SPARCL1: variants seen among roughly 807,000 people sequenced by gnomAD.
The protein encoded by SPARCL1 is SPARC like 1.
SPARCL1 carries 52 observed loss-of-function variants against 67.1 expected under a neutral mutation model. The ratio of observed to expected loss-of-function variants is 0.78; its 90% CI spans 0.62 to 0.98. The LOEUF (loss-of-function observed/expected upper bound fraction) is 0.98. Among genes scored for constraint, SPARCL1 ranks in the 50% least tolerant of loss-of-function variants. The pLI is 0.00. For synonymous variants in SPARCL1, 226 were observed against 267.8 expected (o/e 0.84, Z 1.52); for missense variants, 717 against 782.4 (o/e 0.92, Z 1.00).
rs760872428 is a variant in SPARCL1, at chr4:87,482,563, G to C, written c.1532-3C>G. On this transcript the variant is annotated splice_region_variant and splice_polypyrimidine_tract_variant and intron_variant, in intron 7 of 10. Coordinates refer to ENST00000282470, the MANE Select transcript of SPARCL1 (RefSeq NM_004684.6). ...AAAGTCCGTACAAGTAGGAATAGCTGTTACAAGCAGAAAATGTACTGTAAT... is the reference window on the plus strand; with the variant it reads ...AAAGTCCGTACAAGTAGGAATAGCTCTTACAAGCAGAAAATGTACTGTAAT... 2 of 1,613,808 alleles carry C rather than the reference G, an allele frequency of 1.2e-6. No individual in the cohort carries two copies. The highest frequency in any genetic ancestry group is 2.2e-5 in the South Asian group (2 of 91,076).
chr4:87,493,336 C>T (rs984701563), intron 4 of SPARCL1, among the ~76,000 whole-genome samples: 1 of 152,210 alleles, frequency 6.6e-6, no homozygotes, highest in African/African-American at 2.4e-5. Flanking sequence ...CTGCACTCCT[C>T]TTTGTTCCCT....
intron 2 of SPARCL1, among the ~76,000 whole-genome samples, chr4:87,495,938 A>C (rs1305493465): frequency 6.6e-6 from 1 of 152,016 alleles, no homozygotes; most frequent in African/African-American, 2.4e-5. Context: ...TCTCAAAAAC[A>C]AAAAAAATTA....
intron 1 of SPARCL1, among the ~76,000 whole-genome samples, chr4:87,508,782 A>ATGTGTGTGTGTGTGTGTGTG (rs71667857): frequency 1.4e-5 from 2 of 140,116 alleles, no homozygotes; most frequent in African/African-American, 5.3e-5. Flanking sequence ...GATGAAACAT[A>ATGTGTGTGTGTGTGTGTGTG]TGTGTGTGTG....
At chr4:87,511,008 C>G (rs971838554) in intron 1 of SPARCL1, among the ~76,000 whole-genome samples, 1 of 152,216 alleles carries the variant, frequency 6.6e-6, no homozygotes, top group Non-Finnish European at 1.5e-5. Flanking sequence ...CATTCGCTTG[C>G]GCACTCCCTC....
chr4:87,497,048 T>C (rs150194972), intron 2 of SPARCL1: 207 of 173,324 alleles, frequency 1.2e-3, no homozygotes, highest in African/African-American at 4.1e-3. Flanking sequence ...ATTTTTGTAT[T>C]TATTTATTTT....
At chr4:87,495,199 G>C in intron 2 of SPARCL1, 72 bp from the exon 3 acceptor site, 1 of 1,283,894 alleles carries the variant, frequency 7.8e-7, no homozygotes, top group Non-Finnish European at 1.1e-6. Context: ...AGTTACTCTT[G>C]TTGTCATCAT....
chr4:87,517,824 G>C (rs1405617455), intron 1 of SPARCL1, among the ~76,000 whole-genome samples: 1 of 152,170 alleles, frequency 6.6e-6, no homozygotes, highest in African/African-American at 2.4e-5. Context: ...TCTCTTCTAG[G>C]ATTAAGAAAA....
At position 87,494,294 on chromosome 4, in the gene SPARCL1, T is replaced by C; in HGVS notation, c.506A>G (p.Asn169Ser). 1 of 1,614,140 alleles carries C rather than the reference T, an allele frequency of 6.2e-7. No individual in the cohort carries two copies. Among genetic ancestry groups the C allele is most frequent in the Non-Finnish European group, 8.5e-7 (1 of 1,180,012 alleles). ...CCTGTTCAACTGATGATGTGAATAA[T>C]TTCTAGGTTGTTCTTGGTTTTCCTC... is the stretch of plus-strand genomic sequence containing the variant. ...KREENQEQPRNYSHHQLNRSS... is the reference protein window; with the variant it reads ...KREENQEQPRSYSHHQLNRSS... Residue 169 changes from asparagine to serine, a missense_variant, in exon 4 of 11, where the codon AAT becomes AGT. By Grantham distance (46) the Asn-to-Ser change is conservative. Transcript: ENST00000282470.
chr4:87,479,278 T>C, intron 10 of SPARCL1, 152 bp downstream of exon 10: 1 of 742,470 alleles, frequency 1.3e-6, no homozygotes, highest in Non-Finnish European at 2.3e-6. Flanking sequence ...TGACAGCATG[T>C]GCACCAAGGG....
At chr4:87,517,424 T>A (rs190545891) in intron 1 of SPARCL1, among the ~76,000 whole-genome samples, 13 of 152,362 alleles carry the variant, frequency 8.5e-5, no homozygotes, top group Non-Finnish European at 1.5e-4. Context: ...AGTAACTTAA[T>A]AATATCTGAA....
rs1244708445 is a variant in SPARCL1, at chr4:87,495,126, G to C, written c.56C>G (p.Thr19Arg). ...CLLGTAAAIP[T>R]NARLLSDHSK... ...ATGATCAGATAATAATCTTGCATTT[G>C]TCTGAAAAAATTAAAAACTGGTTTT... Residue 19 changes from threonine to arginine, a missense_variant and splice_region_variant, in exon 3 of 11, where the codon ACA becomes AGA. Thr to Arg is a moderately conservative substitution (Grantham distance 71). Coordinates refer to ENST00000282470, the MANE Select transcript of SPARCL1 (RefSeq NM_004684.6). 8.8e-6 allele frequency: 14 copies of C among 1,595,274 alleles called. No individual in the cohort carries two copies. Among genetic ancestry groups the C allele is most frequent in the Non-Finnish European group, 1.2e-5 (14 of 1,176,050 alleles).
chr4:87,498,463 GA>G (rs889214637), intron 2 of SPARCL1, among the ~76,000 whole-genome samples: 15 of 151,884 alleles, frequency 9.9e-5, no homozygotes, highest in Non-Finnish European at 1.2e-4. Flanking sequence ...TGGTGAAAAA[GA>G]AAAAAAATAT....
intron 1 of SPARCL1, among the ~76,000 whole-genome samples, chr4:87,500,792 ACGCACATACGCGCG>A (rs1560822111): frequency 5.7e-5 from 6 of 105,166 alleles, no homozygotes; most frequent in African/African-American, 3.0e-4. Flanking sequence ...GTACGCGCGC[ACGCACATACGCGCG>A]CACGCACACA....
chr4:87,473,718 C>A lies in SPARCL1; in HGVS notation c.*57G>T. ...ACAAGTATCACAGCTGCATATATTTCTGAAGTGGTTAGAACAGAGGAGGAT... is the reference window on the plus strand; with the variant it reads ...ACAAGTATCACAGCTGCATATATTTATGAAGTGGTTAGAACAGAGGAGGAT... On this transcript the variant is annotated 3_prime_UTR_variant, in exon 11 of 11. Coordinates refer to ENST00000282470, the MANE Select transcript of SPARCL1 (RefSeq NM_004684.6). 1 of 1,290,142 alleles carries A rather than the reference C, an allele frequency of 7.8e-7. No homozygotes were observed. The highest frequency in any genetic ancestry group is 1.1e-6 in the Non-Finnish European group (1 of 914,006). The allele number at this position is 1,290,142 out of a possible 1,614,324, so 79.9% of individuals were successfully genotyped here. A position where few individuals can be genotyped will look rare whatever the true frequency, so the allele number is the denominator to read the frequency against.
chr4:87,475,617 G>A (rs890520587), intron 10 of SPARCL1, among the ~76,000 whole-genome samples: 2 of 152,034 alleles, frequency 1.3e-5, no homozygotes, highest in Admixed American at 6.6e-5. Context: ...TATATAAGCG[G>A]CCAACAAATA....
chr4:87,498,334 G>C (rs532095298), intron 2 of SPARCL1, among the ~76,000 whole-genome samples: 1 of 152,256 alleles, frequency 6.6e-6, no homozygotes, highest in Non-Finnish European at 1.5e-5. Flanking sequence ...TTGTCAACCA[G>C]AAGCTAGCTA....
chr4:87,475,274 T>G (rs1723540403), intron 10 of SPARCL1, among the ~76,000 whole-genome samples: 1 of 152,062 alleles, frequency 6.6e-6, no homozygotes, highest in African/African-American at 2.4e-5. Flanking sequence ...CTACCCAGGA[T>G]ATCCTTATTT....
intron 1 of SPARCL1, among the ~76,000 whole-genome samples, chr4:87,527,096 T>A (rs1726075021): frequency 6.6e-6 from 1 of 152,194 alleles, no homozygotes; most frequent in African/African-American, 2.4e-5. Flanking sequence ...CCTCCCCACC[T>A]TTGGAACAAT....
chr4:87,490,533 G>T, intron 6 of SPARCL1, 140 bp from the exon 7 acceptor site: 2 of 1,063,738 alleles, frequency 1.9e-6, no homozygotes, highest in Admixed American at 2.5e-5. Flanking sequence ...AATCGTAATT[G>T]TTCCATTTGG....
Sources: allele counts gnomAD v4.1 joint callset (sites outside exome capture counted in the v4.1 genomes callset), GRCh38; gene constraint gnomAD v4.1.1; transcripts MANE v1.5; gene names NCBI Gene and HGNC (gene_info 2026-07-23, HGNC 2026-07-21).